The following TRIM71 variants were observed in gnomAD, a reference collection of about 807,000 sequenced individuals.
TRIM71 encodes tripartite motif containing 71.
Under a neutral mutation model 61.2 loss-of-function variants are expected in TRIM71, and 9 were observed. The ratio of observed to expected loss-of-function variants is 0.15; its 90% CI spans 0.09 to 0.26. TRIM71 has a LOEUF of 0.26. Ranked by LOEUF, TRIM71 falls within the 10% of genes least tolerant of loss-of-function variation. The pLI, the probability that TRIM71 is intolerant of heterozygous loss-of-function variation, is 1.00. For synonymous variants in TRIM71, 645 were observed against 553.2 expected (o/e 1.17, Z -2.33); for missense variants, 998 against 1,238.7 (o/e 0.81, Z 2.92).
intron 1 of TRIM71, among the ~76,000 whole-genome samples, chr3:32,821,368 T>A (rs1006843029): frequency 6.6e-6 from 1 of 152,146 alleles, no homozygotes; most frequent in African/African-American, 2.4e-5. Flanking sequence ...CACCTTTTCC[T>A]TATAGTGACT....
In TRIM71 at chr3:32,818,744, A is replaced by C; in HGVS notation, c.664A>C (p.Asn222His). ...CLDCQEHLCD[N>H]CVRAHQRVRL... ...CGACTGCCAGGAGCACCTGTGCGAC[A>C]ACTGCGTCCGAGCGCACCAGCGCGT... The change falls in exon 1 of 4, where the codon AAC (asparagine) becomes CAC (histidine). Residue 222 changes from asparagine (N) to histidine (H), a missense_variant. Transcript: ENST00000383763. The C allele has an allele frequency of 6.2e-7, 1 of 1,603,266 alleles. No individual in the cohort carries two copies. Among genetic ancestry groups the C allele is most frequent in the South Asian group, 1.1e-5 (1 of 90,642 alleles).
intron 1 of TRIM71, among the ~76,000 whole-genome samples, chr3:32,850,884 AT>A (rs1696531132): frequency 6.6e-6 from 1 of 152,156 alleles, no homozygotes; most frequent in African/African-American, 2.4e-5. Context: ...ATCTCAAGTC[AT>A]TCTCCACCCC....
intron 2 of TRIM71, among the ~76,000 whole-genome samples, chr3:32,882,994 A>T (rs1696925927): frequency 6.6e-6 from 1 of 152,174 alleles, no homozygotes; most frequent in Non-Finnish European, 1.5e-5. Context: ...TCTCAGACAA[A>T]GCAGAAGAAG....
intron 1 of TRIM71, among the ~76,000 whole-genome samples, chr3:32,819,273 CTCCT>C (rs1333389256): frequency 1.2e-3 from 1 of 820 alleles, no homozygotes; most frequent in Non-Finnish European, 6.7e-3. Flanking sequence ...ACGTGGCCTG[CTCCT>C]GCTCTTGTGG....
intron 1 of TRIM71, among the ~76,000 whole-genome samples, chr3:32,821,248 C>T (rs1049287533): frequency 6.6e-6 from 1 of 152,122 alleles, no homozygotes; most frequent in African/African-American, 2.4e-5. Context: ...ACACTGAATG[C>T]CTAAATCCAC....
At chr3:32,859,680 C>T (rs891974276) in intron 1 of TRIM71, among the ~76,000 whole-genome samples, 3 of 152,124 alleles carry the variant, frequency 2.0e-5, no homozygotes, top group Admixed American at 1.3e-4. Flanking sequence ...CCCGGAATGC[C>T]GCTGGCCTGG....
chr3:32,834,710 C>T (rs991104332), intron 1 of TRIM71, among the ~76,000 whole-genome samples: 2 of 152,062 alleles, frequency 1.3e-5, no homozygotes, highest in East Asian at 1.9e-4. Context: ...GGTGCGGTGG[C>T]GGGCGCCTGT....
At chr3:32,876,716 G>T (rs1449483216) in intron 2 of TRIM71, among the ~76,000 whole-genome samples, 1 of 152,178 alleles carries the variant, frequency 6.6e-6, no homozygotes, top group African/African-American at 2.4e-5. Flanking sequence ...GAGAATGCTG[G>T]TGCTCTCTGT....
intron 1 of TRIM71, among the ~76,000 whole-genome samples, chr3:32,834,983 C>A (rs1696319266): frequency 6.6e-6 from 1 of 152,184 alleles, no homozygotes; most frequent in Non-Finnish European, 1.5e-5. Flanking sequence ...CCCCATAGAA[C>A]TTAATTTTTC....
intron 2 of TRIM71, among the ~76,000 whole-genome samples, chr3:32,882,598 C>T (rs72852846): frequency 0.039 from 5,856 of 152,056 alleles, 369 homozygotes; most frequent in African/African-American, 0.13. Flanking sequence ...GGCTGGGGGG[C>T]GCGGTGGTGC....
chr3:32,825,380 TTAAATAA>T (rs926035765), intron 1 of TRIM71, among the ~76,000 whole-genome samples: 11 of 152,216 alleles, frequency 7.2e-5, no homozygotes, highest in African/African-American at 2.7e-4. Context: ...GAAATTTTCA[TTAAATAA>T]TTCTGTAGCT....
chr3:32,889,599 ATTATT>A (rs1385819867), intron 3 of TRIM71, among the ~76,000 whole-genome samples: 1 of 146,626 alleles, frequency 6.8e-6, no homozygotes, highest in Admixed American at 6.8e-5. Flanking sequence ...TATTATTATT[ATTATT>A]TTGAGACGGA....
At chr3:32,837,043 T>C (rs886163226) in intron 1 of TRIM71, among the ~76,000 whole-genome samples, 9 of 152,120 alleles carry the variant, frequency 5.9e-5, no homozygotes, top group African/African-American at 1.9e-4. Flanking sequence ...ATTTTTAAAT[T>C]ACAAAAGAAA....
At chr3:32,882,732 C>T (rs747637821) in intron 2 of TRIM71, among the ~76,000 whole-genome samples, 3 of 152,014 alleles carry the variant, frequency 2.0e-5, no homozygotes, top group Non-Finnish European at 2.9e-5. Context: ...TTTGTAGAGA[C>T]GGGGTCTCAC....
At chr3:32,841,234 G>A (rs1300785905) in intron 1 of TRIM71, among the ~76,000 whole-genome samples, 4 of 152,080 alleles carry the variant, frequency 2.6e-5, no homozygotes, top group African/African-American at 7.2e-5. Context: ...GACAGAGCGA[G>A]ACTCTGTCTC....
At chr3:32,889,903 T>C (rs1419617820) in intron 3 of TRIM71, among the ~76,000 whole-genome samples, 6 of 81,576 alleles carry the variant, frequency 7.4e-5, no homozygotes, top group Non-Finnish European at 1.9e-4. Context: ...TGTGTGTGTA[T>C]GTATGTATGT....
intron 2 of TRIM71, among the ~76,000 whole-genome samples, chr3:32,879,952 C>T (rs1696890580): frequency 6.6e-6 from 1 of 151,902 alleles, no homozygotes; most frequent in Non-Finnish European, 1.5e-5. Context: ...CAGAGCAAGA[C>T]TCTGTCTCAA....
intron 1 of TRIM71, among the ~76,000 whole-genome samples, chr3:32,870,873 C>T (rs2125688110): frequency 6.6e-6 from 1 of 152,270 alleles, no homozygotes; most frequent in Non-Finnish European, 1.5e-5. Context: ...AATTCAGTGC[C>T]ATGGTCACGG....
chr3:32,853,622 C>T (rs980550560), intron 1 of TRIM71, among the ~76,000 whole-genome samples: 7 of 152,296 alleles, frequency 4.6e-5, no homozygotes, highest in Non-Finnish European at 1.0e-4. Context: ...AGAGAAGGGA[C>T]ACCCTTTTTC....
Sources: gnomAD v4.1 joint callset for allele counts (sites outside exome capture counted in the v4.1 genomes callset) on GRCh38, gnomAD v4.1.1 for gene constraint, MANE v1.5 for transcripts, NCBI Gene and HGNC (gene_info 2026-07-23, HGNC 2026-07-21) for gene names.